Variants in CORIN observed in about 807,000 individuals in gnomAD.
CORIN encodes the protein atrial natriuretic peptide-converting enzyme.
In CORIN, 117 loss-of-function variants were observed where a neutral mutation model predicts 125.3. That is an observed-to-expected ratio of 0.93 (90% CI 0.80 to 1.09). The LOEUF (loss-of-function observed/expected upper bound fraction) is 1.09. CORIN is among the 50% of genes least tolerant of loss of function. The pLI is 0.00. For missense variants in CORIN, 1,253 were observed against 1,306.7 expected, an observed-to-expected ratio of 0.96 and a Z score of 0.63; for synonymous variants, 450 against 466.4, an observed-to-expected ratio of 0.96 and a Z score of 0.45.
In CORIN at chr4:47,762,642, C is replaced by CTTAT. The variant is rs1729521801; in HGVS notation, c.617+736_617+737insATAA. Among the ~76,000 whole-genome samples, 9 of 152,272 alleles carry CTTAT rather than the reference C, an allele frequency of 5.9e-5. No homozygotes were observed. In the Middle Eastern group the frequency reaches 0.014, roughly 230 times the overall value. On this transcript the variant is annotated intron_variant, in intron 4 of 21. Transcript: ENST00000273857. ...CCACCCAACATCTATGTATGGTTCA[C>CTTAT]ACTTGCTTTAAAGTATAAGATTTGG...
intron 4 of CORIN, among the ~76,000 whole-genome samples, chr4:47,752,892 T>C (rs1163993957): frequency 6.6e-6 from 1 of 152,226 alleles, no homozygotes; most frequent in Non-Finnish European, 1.5e-5. Flanking sequence ...TGTTGAATTA[T>C]TTTGCAGTTG....
intron 3 of CORIN, among the ~76,000 whole-genome samples, chr4:47,785,094 G>C: frequency 6.6e-6 from 1 of 152,186 alleles, no homozygotes; most frequent in East Asian, 1.9e-4. Flanking sequence ...TCATGAAAGA[G>C]AGAGAAACAC....
chr4:47,671,054 A>G (rs1445318338), intron 10 of CORIN, among the ~76,000 whole-genome samples: 1 of 152,240 alleles, frequency 6.6e-6, no homozygotes, highest in East Asian at 1.9e-4. Flanking sequence ...TTCATATTCT[A>G]TTTCAAAGTT....
chr4:47,748,030 A>G (rs1480082910), intron 4 of CORIN, among the ~76,000 whole-genome samples: 1 of 152,198 alleles, frequency 6.6e-6, no homozygotes, highest in East Asian at 1.9e-4. Context: ...AATAGGGCCT[A>G]AGAAAAATGT....
chr4:47,737,488 G>A (rs748246725), intron 5 of CORIN, among the ~76,000 whole-genome samples: 1 of 152,160 alleles, frequency 6.6e-6, no homozygotes, highest in African/African-American at 2.4e-5. Flanking sequence ...GACTGATTGA[G>A]GTGGAGACAC....
At chr4:47,823,467 G>A (rs780233908) in intron 1 of CORIN, among the ~76,000 whole-genome samples, 3 of 152,140 alleles carry the variant, frequency 2.0e-5, no homozygotes, top group Non-Finnish European at 4.4e-5. Flanking sequence ...TTGTTCCTGG[G>A]GTGGTGTTGT....
intron 6 of CORIN, among the ~76,000 whole-genome samples, chr4:47,686,275 T>G (rs559866229): frequency 1.5e-4 from 23 of 152,086 alleles, no homozygotes; most frequent in African/African-American, 5.5e-4. Flanking sequence ...AAGGTGTGTA[T>G]GTGCACAGAC....
At chr4:47,615,718 A>T (rs1722045077) in intron 19 of CORIN, among the ~76,000 whole-genome samples, 1 of 152,180 alleles carries the variant, frequency 6.6e-6, no homozygotes, top group Admixed American at 6.5e-5. Flanking sequence ...AACACTCAGA[A>T]GGAAGAAACC....
At chr4:47,805,989 T>A (rs1446785848) in intron 2 of CORIN, among the ~76,000 whole-genome samples, 2 of 152,228 alleles carry the variant, frequency 1.3e-5, no homozygotes, top group African/African-American at 2.4e-5. Flanking sequence ...TTCCAAAAAG[T>A]TCACTTTTCA....
At chr4:47,745,273 T>C (rs569771741) in intron 4 of CORIN, among the ~76,000 whole-genome samples, 2 of 152,374 alleles carry the variant, frequency 1.3e-5, no homozygotes, top group East Asian at 3.9e-4. Flanking sequence ...GGAGATGGGA[T>C]ACTAACAAAG....
intron 1 of CORIN, among the ~76,000 whole-genome samples, chr4:47,810,247 G>T (rs1477607876): frequency 6.6e-6 from 1 of 152,140 alleles, no homozygotes; most frequent in Non-Finnish European, 1.5e-5. Context: ...GAGTGCAGTG[G>T]CATGATCTCG....
intron 5 of CORIN, among the ~76,000 whole-genome samples, chr4:47,726,527 T>C (rs1480833089): frequency 6.6e-6 from 1 of 152,092 alleles, no homozygotes; most frequent in Non-Finnish European, 1.5e-5. Context: ...ATCAGCAGTT[T>C]CCAGAGGTTT....
chr4:47,653,825 A>G (rs1723844802), intron 12 of CORIN, among the ~76,000 whole-genome samples, 165 bp from the exon 13 acceptor site: 1 of 152,240 alleles, frequency 6.6e-6, no homozygotes, highest in African/African-American at 2.4e-5. Context: ...CCTGCCAATC[A>G]GCATCTTTCT....
chr4:47,728,871 C>T (rs1285239036), intron 5 of CORIN, among the ~76,000 whole-genome samples: 6 of 152,144 alleles, frequency 3.9e-5, no homozygotes, highest in South Asian at 2.1e-4. Flanking sequence ...GTAAGCCAAG[C>T]AGCTAGCTTG....
chr4:47,734,966 C>A (rs975426798), intron 5 of CORIN, among the ~76,000 whole-genome samples: 2 of 152,068 alleles, frequency 1.3e-5, no homozygotes, highest in African/African-American at 4.8e-5. Context: ...TTATGGTCAT[C>A]ATAATTACTT....
At chr4:47,724,671 T>C (rs1388845032) in intron 5 of CORIN, among the ~76,000 whole-genome samples, 2 of 152,148 alleles carry the variant, frequency 1.3e-5, no homozygotes, top group Non-Finnish European at 2.9e-5. Context: ...CAAAAAGTAA[T>C]AAATGTAATC....
chr4:47,696,210 T>C (rs1000768096), intron 5 of CORIN, among the ~76,000 whole-genome samples: 1 of 152,208 alleles, frequency 6.6e-6, no homozygotes, highest in Non-Finnish European at 1.5e-5. Context: ...AATATCACTG[T>C]CTTATAACAA....
At chr4:47,716,698 C>T (rs1577857301) in intron 5 of CORIN, among the ~76,000 whole-genome samples, 1 of 152,132 alleles carries the variant, frequency 6.6e-6, no homozygotes. Flanking sequence ...ACTTAGAATG[C>T]TTTTAAAATT....
chr4:47,830,453 A>C (rs1732932046), intron 1 of CORIN, among the ~76,000 whole-genome samples: 1 of 152,192 alleles, frequency 6.6e-6, no homozygotes, highest in Admixed American at 6.5e-5. Flanking sequence ...ACTCATATTA[A>C]TTAAACATTC....
Sources: gnomAD v4.1 joint callset for allele counts (sites outside exome capture counted in the v4.1 genomes callset) on GRCh38, gnomAD v4.1.1 for gene constraint, MANE v1.5 for transcripts, NCBI Gene and HGNC (gene_info 2026-07-23, HGNC 2026-07-21) for gene names.